EPS8: variants seen among roughly 807,000 people sequenced by gnomAD.
EPS8 encodes the protein EGFR pathway substrate 8, signaling adaptor.
A neutral mutation model predicts 103.8 loss-of-function variants in EPS8; 42 were observed. That is an observed-to-expected ratio of 0.40 (90% CI 0.32 to 0.52). EPS8 has a LOEUF of 0.52. Among genes scored for constraint, EPS8 ranks in the 20% least tolerant of loss-of-function variants. The pLI, the probability that EPS8 is intolerant of heterozygous loss-of-function variation, is 0.40. For missense variants in EPS8, 969 were observed against 1,005.1 expected, an observed-to-expected ratio of 0.96 and a Z score of 0.49; for synonymous variants, 344 against 344.6, an observed-to-expected ratio of 1.00 and a Z score of 0.02.
intron 1 of EPS8, chr12:15,712,886 C>A (rs567333503): frequency 1.0e-6 from 1 of 985,286 alleles, no homozygotes; most frequent in Non-Finnish European, 1.2e-6. Flanking sequence ...TCTAAGCAAT[C>A]GTCCAGGCAA....
intron 15 of EPS8, among the ~76,000 whole-genome samples, chr12:15,646,882 G>A (rs1168202884): frequency 1.3e-5 from 2 of 152,188 alleles, no homozygotes; most frequent in Non-Finnish European, 2.9e-5. Flanking sequence ...TTTGTCCGAA[G>A]TATCTTTTAA....
At chr12:15,648,413 C>A (rs1285410336) in intron 14 of EPS8, among the ~76,000 whole-genome samples, 3 of 152,038 alleles carry the variant, frequency 2.0e-5, no homozygotes, top group African/African-American at 4.8e-5. Context: ...CATATGGTTA[C>A]CACAGTTAAT....
rs757136257 is a variant in EPS8 at position 15,751,586 on chromosome 12, T to C, written c.-22+37575A>G. Among the ~76,000 whole-genome samples the C allele has an allele frequency of 6.6e-6, 1 of 152,092 alleles. No homozygotes were observed. The highest frequency in any genetic ancestry group is 1.5e-5 in the Non-Finnish European group (1 of 68,020). Reference sequence around the variant, plus strand: ...ACAAATATTTAATGGACAGATTCAATACTGGGCAGTTTCAGACACTAGGGA... The same window carrying C: ...ACAAATATTTAATGGACAGATTCAACACTGGGCAGTTTCAGACACTAGGGA... On this transcript the variant is annotated intron_variant, in intron 1 of 20. Coordinates refer to ENST00000281172, the MANE Select transcript of EPS8 (RefSeq NM_004447.6). The surrounding 1 kb of genome is among the most constrained non-coding windows in gnomAD (Gnocchi z 4.3).
chr12:15,681,496 C>T (rs368989452), intron 2 of EPS8, among the ~76,000 whole-genome samples, 194 bp from the exon 3 acceptor site: 1 of 151,614 alleles, frequency 6.6e-6, no homozygotes, highest in Non-Finnish European at 1.5e-5. Context: ...ATTGGGAGGC[C>T]GAGGTGGGCA....
intron 18 of EPS8, among the ~76,000 whole-genome samples, chr12:15,627,920 G>C (rs1944976280): frequency 6.6e-6 from 1 of 152,126 alleles, no homozygotes; most frequent in South Asian, 2.1e-4. Flanking sequence ...AGCTTTTTGT[G>C]ACCAATGTTC....
At position 15,702,923 on chromosome 12, in the gene EPS8, G is replaced by A. The variant is rs1946329878; in HGVS notation, c.-21-19951C>T. ...CCCAGCACTTTGGGAGGCCGAGGTG[G>A]GTGGATCACAAGGTCAGGAGATTGA... is the stretch of plus-strand genomic sequence containing the variant. On this transcript the variant is annotated intron_variant, in intron 1 of 20. Transcript: ENST00000281172. The surrounding 1 kb of genome is among the most constrained non-coding windows in gnomAD (Gnocchi z 5.1). Among the ~76,000 whole-genome samples the A allele has an allele frequency of 6.6e-6, 1 of 152,148 alleles. No individual in the cohort carries two copies. Among genetic ancestry groups the A allele is most frequent in the Admixed American group, 6.5e-5 (1 of 15,276 alleles).
intron 20 of EPS8, among the ~76,000 whole-genome samples, 199 bp downstream of exon 20, chr12:15,622,959 C>T (rs914580717): frequency 1.3e-5 from 2 of 152,128 alleles, no homozygotes; most frequent in Non-Finnish European, 2.9e-5. Flanking sequence ...TGTGCTCAAG[C>T]TTCACATCAT....
At position 15,752,598 on chromosome 12, in the gene EPS8, G is replaced by C. The variant is rs1378740374; in HGVS notation, c.-22+36563C>G. On this transcript the variant is annotated intron_variant, in intron 1 of 20. Coordinates refer to ENST00000281172, the MANE Select transcript of EPS8 (RefSeq NM_004447.6). This position sits in a 1 kb window ranked among gnomAD's most constrained non-coding sequence, Gnocchi z 4.4. Reference sequence around the variant, plus strand: ...CCCAGAGTCAGAAACATTATATTGAGCCCCCAAATTATCTGAGAAAAAAAA... The same window carrying C: ...CCCAGAGTCAGAAACATTATATTGACCCCCCAAATTATCTGAGAAAAAAAA... Among the ~76,000 whole-genome samples the C allele has an allele frequency of 1.3e-5, 2 of 151,934 alleles. No homozygotes were observed. Among genetic ancestry groups the C allele is most frequent in the Non-Finnish European group, 2.9e-5 (2 of 68,010 alleles).
At chr12:15,699,060 G>A (rs140085282) in intron 1 of EPS8, among the ~76,000 whole-genome samples, 3 of 152,278 alleles carry the variant, frequency 2.0e-5, no homozygotes, top group African/African-American at 4.8e-5. Flanking sequence ...CCACCGATGT[G>A]ACTGCCCCTG....
At chr12:15,674,804 T>G (rs1312706855) in intron 3 of EPS8, among the ~76,000 whole-genome samples, 3 of 151,772 alleles carry the variant, frequency 2.0e-5, no homozygotes, top group Non-Finnish European at 1.5e-5. Flanking sequence ...ATTTAATGAA[T>G]TAGAAGCCAT....
chr12:15,654,383 C>A, intron 12 of EPS8, 90 bp from the exon 13 acceptor site: 2 of 1,166,668 alleles, frequency 1.7e-6, no homozygotes, highest in Non-Finnish European at 2.5e-6. Context: ...CAAAAACAAG[C>A]ACTACTTTTT....
Position 15,682,946 on chromosome 12 carries a change from A to C in EPS8, c.6T>G (p.Asn2Lys). The change falls in exon 2 of 21, where the codon AAT (asparagine) becomes AAG (lysine). Residue 2 changes from asparagine to lysine, a missense_variant. By Grantham distance (94) the Asn-to-Lys change is moderately conservative. Transcript: ENST00000281172. MNGHISNHPSSF... is the reference protein window; with the variant it reads MKGHISNHPSSF... ...TACTGGGATGATTAGAAATATGACC[A>C]TTCATTGTGTCTTTCACTTGTGTGT... The C allele has an allele frequency of 1.3e-6, 2 of 1,581,484 alleles. No homozygotes were observed. The highest frequency in any genetic ancestry group is 1.7e-6 in the Non-Finnish European group (2 of 1,163,268).
intron 18 of EPS8, among the ~76,000 whole-genome samples, chr12:15,624,685 G>A (rs1944916893): frequency 6.6e-6 from 1 of 152,192 alleles, no homozygotes; most frequent in South Asian, 2.1e-4. Flanking sequence ...CACCTGCACA[G>A]CTGAATATAA....
intron 15 of EPS8, 127 bp downstream of exon 15, chr12:15,647,000 T>TGAAACAA: frequency 1.1e-6 from 1 of 898,296 alleles, no homozygotes; most frequent in African/African-American, 1.7e-5. Context: ...CAACTGAAAC[T>TGAAACAA]TTATCAACTA....
chr12:15,702,395 G>T lies in EPS8; in HGVS notation c.-21-19423C>A, dbSNP rs1382703226. 6.6e-6 allele frequency among the ~76,000 whole-genome samples: 1 copy of T among 152,112 alleles called. No individual in the cohort carries two copies. Among genetic ancestry groups the T allele is most frequent in the Non-Finnish European group, 1.5e-5 (1 of 68,018 alleles). ...TTTGAGTTAAGCATTTTCATCCATA[G>T]GAAGCACTTTTAAACTACAAACACT... On this transcript the variant is annotated intron_variant, in intron 1 of 20. Transcript: ENST00000281172. The surrounding 1 kb of genome is among the most constrained non-coding windows in gnomAD (Gnocchi z 5.1).
chr12:15,720,515 A>G (rs1338686864), intron 1 of EPS8, among the ~76,000 whole-genome samples: 1 of 152,212 alleles, frequency 6.6e-6, no homozygotes, highest in Admixed American at 6.5e-5. Flanking sequence ...TAAGCAAAGC[A>G]TACTGTAAAA....
chr12:15,691,168 G>C (rs1946166533), intron 1 of EPS8, among the ~76,000 whole-genome samples: 1 of 150,964 alleles, frequency 6.6e-6, no homozygotes. Context: ...AGACAGCAAA[G>C]TGTGAAGTTC....
At chr12:15,623,407 CT>C in intron 19 of EPS8, 120 bp from the exon 20 acceptor site, 1 of 821,868 alleles carries the variant, frequency 1.2e-6, no homozygotes, top group Non-Finnish European at 1.8e-6. Flanking sequence ...CCCTGGAACC[CT>C]TATTAAATGC....
chr12:15,732,763 T>C (rs776811908), intron 1 of EPS8: 68 of 982,660 alleles, frequency 6.9e-5, no homozygotes, highest in East Asian at 2.3e-4. Context: ...AGATTACTCA[T>C]AGTTTGGAGG....
Sources: allele counts gnomAD v4.1 joint callset (sites outside exome capture counted in the v4.1 genomes callset), GRCh38; gene constraint gnomAD v4.1.1; non-coding constraint Gnocchi (gnomAD v3.1); transcripts MANE v1.5; gene names NCBI Gene and HGNC (gene_info 2026-07-23, HGNC 2026-07-21).